The following SV2C variants were observed in gnomAD, a reference collection of about 807,000 sequenced individuals.
SV2C encodes the protein synaptic vesicle glycoprotein 2C, also known as solute carrier family 22 member B3.
A neutral mutation model predicts 79.7 loss-of-function variants in SV2C; 49 were observed. The observed-to-expected ratio is 0.61, with a 90% CI of 0.49 to 0.78. SV2C has a LOEUF of 0.78. SV2C is among the 30% of genes least tolerant of loss of function. The probability of loss-of-function intolerance (pLI) is 0.00; values close to 1 mark genes in which losing one functional copy is unlikely to be tolerated. For synonymous variants in SV2C, 334 were observed against 333.2 expected (o/e 1.00, Z -0.03); for missense variants, 833 against 912.9 (o/e 0.91, Z 1.13).
At chr5:75,883,850 A>C in the SV2C span, among the ~76,000 whole-genome samples, 1 of 145,770 alleles carries the variant, frequency 6.9e-6, no homozygotes, top group Non-Finnish European at 1.5e-5. Context: ...TATTTAAAAA[A>C]AAAACAAAAA....
the SV2C span, among the ~76,000 whole-genome samples, chr5:75,897,095 G>A: frequency 6.8e-6 from 1 of 148,076 alleles, no homozygotes; most frequent in South Asian, 2.1e-4. Flanking sequence ...TGTCAATTTT[G>A]TCTTTTGTTG....
intron 1 of SV2C, among the ~76,000 whole-genome samples, chr5:76,111,297 C>G (rs1315786595): frequency 6.6e-6 from 1 of 152,094 alleles, no homozygotes; most frequent in African/African-American, 2.4e-5. Flanking sequence ...TTCACTAACT[C>G]TTTCTTTCTT....
chr5:75,891,515 A>G, the SV2C span, among the ~76,000 whole-genome samples: 3 of 152,182 alleles, frequency 2.0e-5, no homozygotes, highest in Non-Finnish European at 4.4e-5. Flanking sequence ...GAGAAAAACT[A>G]TATTGAGTAA....
chr5:76,195,403 T>C (rs1744241676), intron 3 of SV2C, among the ~76,000 whole-genome samples: 1 of 152,198 alleles, frequency 6.6e-6, no homozygotes. Flanking sequence ...TTCTGAAAAT[T>C]TAACATAAGT....
chr5:76,317,186 C>T (rs1017030404), intron 12 of SV2C, among the ~76,000 whole-genome samples: 4 of 152,148 alleles, frequency 2.6e-5, no homozygotes, highest in African/African-American at 9.7e-5. Context: ...TTAGGCTAAC[C>T]TGATGACCTA....
intron 2 of SV2C, among the ~76,000 whole-genome samples, chr5:76,179,472 C>T (rs547664728): frequency 3.3e-5 from 5 of 152,248 alleles, no homozygotes; most frequent in Middle Eastern, 3.4e-3. Flanking sequence ...CTCTGAGAAG[C>T]GGATGGCTGA....
the SV2C span, among the ~76,000 whole-genome samples, chr5:75,900,612 C>T: frequency 0.016 from 2,508 of 152,192 alleles, 36 homozygotes; most frequent in African/African-American, 0.043. Flanking sequence ...TGTTGGCCTG[C>T]CTTGCTAGAT....
At chr5:76,034,775 A>G in the SV2C span, among the ~76,000 whole-genome samples, 7 of 152,290 alleles carry the variant, frequency 4.6e-5, no homozygotes, top group East Asian at 5.8e-4. Context: ...AAATGAGTTA[A>G]GGAGGATTCC....
At chr5:76,351,523 G>T (rs568873412) in intron 12 of SV2C, among the ~76,000 whole-genome samples, 1 of 152,274 alleles carries the variant, frequency 6.6e-6, no homozygotes, top group Admixed American at 6.5e-5. Context: ...ATGAGCTGGG[G>T]TGTCCCTCTT....
chr5:75,972,141 G>A, the SV2C span, among the ~76,000 whole-genome samples: 616 of 152,222 alleles, frequency 4.0e-3, 12 homozygotes, highest in African/African-American at 0.014. Context: ...AGCTGAAACT[G>A]GATCCCTTCC....
the SV2C span, among the ~76,000 whole-genome samples, chr5:76,062,623 GA>G: frequency 0.093 from 12,820 of 137,366 alleles, 716 homozygotes; most frequent in Non-Finnish European, 0.14. Context: ...GGTTGTGTCT[GA>G]AAAAAAAAAA....
chr5:76,188,057 G>C (rs1211281991), intron 2 of SV2C, among the ~76,000 whole-genome samples: 1 of 152,122 alleles, frequency 6.6e-6, no homozygotes, highest in African/African-American at 2.4e-5. Context: ...TCAGGAGTTA[G>C]AGACCAGGCC....
the SV2C span, among the ~76,000 whole-genome samples, chr5:75,950,926 G>A: frequency 6.6e-6 from 1 of 151,942 alleles, no homozygotes; most frequent in East Asian, 1.9e-4. Context: ...CATGATCAAA[G>A]TCAAATGAAT....
At chr5:75,874,602 G>A in the SV2C span, among the ~76,000 whole-genome samples, 1 of 152,168 alleles carries the variant, frequency 6.6e-6, no homozygotes, top group Non-Finnish European at 1.5e-5. Flanking sequence ...AATAGGAAGA[G>A]AGGAAGTCAA....
At chr5:75,972,689 G>A in the SV2C span, among the ~76,000 whole-genome samples, 1 of 152,198 alleles carries the variant, frequency 6.6e-6, no homozygotes, top group African/African-American at 2.4e-5. Context: ...AGGTGCTGGA[G>A]AGAATGTGGA....
chr5:76,247,808 T>C (rs1409766647), intron 4 of SV2C, among the ~76,000 whole-genome samples: 1 of 152,210 alleles, frequency 6.6e-6, no homozygotes, highest in Admixed American at 6.5e-5. Context: ...GCCTCTACAA[T>C]GCCATATCAT....
At chr5:76,141,259 A>G (rs1260492885) in intron 2 of SV2C, among the ~76,000 whole-genome samples, 1 of 152,208 alleles carries the variant, frequency 6.6e-6, no homozygotes, top group East Asian at 1.9e-4. Flanking sequence ...TTGATAGGAA[A>G]ATATCCTTCT....
At chr5:76,196,534 A>ATGAT (rs1054043142) in intron 3 of SV2C, among the ~76,000 whole-genome samples, 13 of 152,322 alleles carry the variant, frequency 8.5e-5, no homozygotes, top group African/African-American at 2.6e-4. Context: ...TAAATGTTGA[A>ATGAT]TGATTGAATG....
chr5:75,999,986 A>G, the SV2C span, among the ~76,000 whole-genome samples: 1 of 152,108 alleles, frequency 6.6e-6, no homozygotes, highest in Non-Finnish European at 1.5e-5. Flanking sequence ...ACCTCTTAAT[A>G]CTGTTGCATT....
Sources: gnomAD v4.1 joint callset for allele counts (sites outside exome capture counted in the v4.1 genomes callset) on GRCh38, gnomAD v4.1.1 for gene constraint, MANE v1.5 for transcripts, NCBI Gene and HGNC (gene_info 2026-07-23, HGNC 2026-07-21) for gene names.